Variants in TBC1D22A observed in about 807,000 individuals in gnomAD.
TBC1D22A encodes the protein TBC1 domain family member 22A, also known as putative GTPase activator.
Under a neutral mutation model 60.2 loss-of-function variants are expected in TBC1D22A, and 38 were observed. The ratio of observed to expected loss-of-function variants is 0.63; its 90% CI spans 0.49 to 0.83. TBC1D22A has a LOEUF of 0.83. Among genes scored for constraint, TBC1D22A ranks in the 40% least tolerant of loss-of-function variants. TBC1D22A has a pLI of 0.00. For synonymous variants in TBC1D22A, 302 were observed against 281.7 expected, an observed-to-expected ratio of 1.07 and a Z score of -0.72; for missense variants, 628 against 701.0, an observed-to-expected ratio of 0.90 and a Z score of 1.18.
At chr22:47,002,698 T>C (rs2061440652) in intron 10 of TBC1D22A, among the ~76,000 whole-genome samples, 1 of 152,230 alleles carries the variant, frequency 6.6e-6, no homozygotes, top group East Asian at 1.9e-4. Flanking sequence ...GGATTGTTTC[T>C]GGTGCCACAG....
chr22:46,909,023 A>G (rs1283045801), intron 7 of TBC1D22A, among the ~76,000 whole-genome samples: 1 of 152,188 alleles, frequency 6.6e-6, no homozygotes, highest in African/African-American at 2.4e-5. Context: ...CATGGTCCAC[A>G]GAGCCCGGGA....
intron 10 of TBC1D22A, among the ~76,000 whole-genome samples, chr22:47,017,182 T>C (rs2148324787): frequency 6.6e-6 from 1 of 152,276 alleles, no homozygotes; most frequent in East Asian, 1.9e-4. Flanking sequence ...CGGGAGACCT[T>C]TTAAGGATTT....
intron 4 of TBC1D22A, among the ~76,000 whole-genome samples, chr22:46,836,593 C>T (rs1444789019): frequency 6.6e-6 from 1 of 151,156 alleles, no homozygotes; most frequent in Non-Finnish European, 1.5e-5. Flanking sequence ...AAAACAATTG[C>T]AAAACAACAA....
intron 11 of TBC1D22A, among the ~76,000 whole-genome samples, chr22:47,043,206 G>T (rs2062907706): frequency 6.6e-6 from 1 of 152,242 alleles, no homozygotes; most frequent in African/African-American, 2.4e-5. Context: ...CCTCAGGCAG[G>T]GTGTCCATGG....
At chr22:46,842,037 A>G (rs185499458) in intron 4 of TBC1D22A, among the ~76,000 whole-genome samples, 78 of 152,352 alleles carry the variant, frequency 5.1e-4, no homozygotes, top group Admixed American at 1.8e-3. Context: ...ATCCCTAATA[A>G]TAACATTCTG....
intron 8 of TBC1D22A, among the ~76,000 whole-genome samples, chr22:46,938,956 CAT>C (rs2071824425): frequency 6.6e-6 from 1 of 151,750 alleles, no homozygotes; most frequent in Non-Finnish European, 1.5e-5. Context: ...CATCAAGAAT[CAT>C]GTGATAGTGG....
intron 4 of TBC1D22A, among the ~76,000 whole-genome samples, chr22:46,861,286 T>A (rs918741081): frequency 3.1e-4 from 47 of 152,212 alleles, no homozygotes; most frequent in African/African-American, 1.1e-3. Context: ...ACTTAACAGT[T>A]AATTGTAGGA....
At chr22:47,157,994 C>A (rs191262977) in intron 12 of TBC1D22A, among the ~76,000 whole-genome samples, 1 of 152,138 alleles carries the variant, frequency 6.6e-6, no homozygotes, top group Non-Finnish European at 1.5e-5. Context: ...CTGTGCTGCC[C>A]GTCACCCTCC....
intron 12 of TBC1D22A, among the ~76,000 whole-genome samples, chr22:47,161,454 TA>T (rs1389537812): frequency 1.1e-4 from 17 of 152,186 alleles, no homozygotes; most frequent in Non-Finnish European, 1.5e-4. Context: ...TTTTAACTGC[TA>T]AATAAATAAA....
chr22:46,908,160 T>C (rs2069627086), intron 7 of TBC1D22A, among the ~76,000 whole-genome samples: 1 of 151,622 alleles, frequency 6.6e-6, no homozygotes, highest in Non-Finnish European at 1.5e-5. Context: ...AGCATGGGGG[T>C]GTTAGCAGGA....
chr22:47,112,884 G>A (rs1261880962), intron 12 of TBC1D22A, among the ~76,000 whole-genome samples: 1 of 152,240 alleles, frequency 6.6e-6, no homozygotes, highest in Non-Finnish European at 1.5e-5. Flanking sequence ...ATGCAAGGCT[G>A]CTGGGGCTGG....
intron 8 of TBC1D22A, among the ~76,000 whole-genome samples, chr22:46,941,208 TACACACACAC>T (rs71315174): frequency 3.3e-4 from 28 of 84,884 alleles, no homozygotes; most frequent in Non-Finnish European, 4.5e-4. Flanking sequence ...TATATATGTA[TACACACACAC>T]ACACACACAC....
rs1366125908 is a variant in TBC1D22A, at chr22:46,900,299, C to G, written c.900+5453C>G. Reference sequence around the variant, plus strand: ...CCCGAGTAGCTGGGATTACAGGCACCCACCACCATGTCCAGCTAATTTTTA... The same window carrying G: ...CCCGAGTAGCTGGGATTACAGGCACGCACCACCATGTCCAGCTAATTTTTA... On this transcript the variant is annotated intron_variant, in intron 7 of 12. Coordinates refer to ENST00000337137, the MANE Select transcript of TBC1D22A (RefSeq NM_014346.5). Among the ~76,000 whole-genome samples the G allele has an allele frequency of 1.1e-4, 16 of 151,898 alleles. 1 individual carries two copies. The highest frequency in any genetic ancestry group is 8.5e-4 in the Admixed American group (13 of 15,256).
In TBC1D22A at chr22:47,164,147, C is replaced by T. The variant is rs181510899; in HGVS notation, c.1426-9351C>T. Among the ~76,000 whole-genome samples, 51 of 152,372 alleles carry T rather than the reference C, an allele frequency of 3.3e-4. No homozygotes were observed. In the East Asian group the frequency reaches 4.2e-3, roughly 13 times the overall value. On this transcript the variant is annotated intron_variant, in intron 12 of 12. Transcript: ENST00000337137. ...CGCCAAGGGTGAGGCAAAGCTGGCC[C>T]AGCCACGTGAAGCTGCGTGTCACAG...
At chr22:47,015,515 C>T (rs947570237) in intron 10 of TBC1D22A, among the ~76,000 whole-genome samples, 3 of 152,248 alleles carry the variant, frequency 2.0e-5, no homozygotes, top group African/African-American at 7.2e-5. Context: ...TCTACTTGAT[C>T]TTGCTCTAGC....
chr22:47,154,775 C>T (rs1289412184), intron 12 of TBC1D22A, among the ~76,000 whole-genome samples: 2 of 152,246 alleles, frequency 1.3e-5, no homozygotes, highest in African/African-American at 4.8e-5. Flanking sequence ...GGCTGCTCTT[C>T]CCCTCCCCAC....
At chr22:46,968,022 G>GCC (rs2073891310) in intron 8 of TBC1D22A, among the ~76,000 whole-genome samples, 1 of 152,240 alleles carries the variant, frequency 6.6e-6, no homozygotes, top group South Asian at 2.1e-4. Flanking sequence ...GGGGTGGGGG[G>GCC]CCGTGAGGGA....
At position 46,876,130 on chromosome 22, in the gene TBC1D22A, A is replaced by G. The variant is rs73470813; in HGVS notation, c.638-2523A>G. Among the ~76,000 whole-genome samples, 734 of 152,322 alleles carry G rather than the reference A, an allele frequency of 4.8e-3. 6 individuals carry two copies. The highest frequency in any genetic ancestry group is 0.017 in the African/African-American group (697 of 41,568). On this transcript the variant is annotated intron_variant, in intron 4 of 12. Transcript: ENST00000337137. ...AACTTTGTAGTTTTGTGGGAACACC[A>G]TAGGGCGTACAGTGGAACGTAAGTC...
At chr22:47,072,530 T>C (rs1404884000) in intron 11 of TBC1D22A, among the ~76,000 whole-genome samples, 1 of 152,214 alleles carries the variant, frequency 6.6e-6, no homozygotes, top group Non-Finnish European at 1.5e-5. Context: ...GGCTTCTGTC[T>C]CTCCATGCCT....
Sources: gnomAD v4.1 joint callset for allele counts (sites outside exome capture counted in the v4.1 genomes callset) on GRCh38, gnomAD v4.1.1 for gene constraint, MANE v1.5 for transcripts, NCBI Gene and HGNC (gene_info 2026-07-23, HGNC 2026-07-21) for gene names.